The following WDR20 variants were observed in gnomAD, a reference collection of about 807,000 sequenced individuals.
The protein encoded by WDR20 is WD repeat-containing protein 20.
A neutral mutation model predicts 38.7 loss-of-function variants in WDR20; 3 were observed. The observed-to-expected ratio is 0.08, with a 90% confidence interval of 0.04 to 0.20. The LOEUF is 0.20. WDR20 is among the 10% of genes least tolerant of loss of function. The probability of loss-of-function intolerance (pLI) is 1.00; values close to 1 mark genes in which losing one functional copy is unlikely to be tolerated. For synonymous variants in WDR20, 298 were observed against 285.6 expected, an observed-to-expected ratio of 1.04 and a Z score of -0.44; for missense variants, 559 against 727.7, an observed-to-expected ratio of 0.77 and a Z score of 2.67.
chr14:102,210,391 C>T lies in WDR20; in HGVS notation c.*511C>T, dbSNP rs2062313030. On this transcript the variant is annotated 3_prime_UTR_variant, in exon 3 of 3. Transcript: ENST00000342702. ...ATGAAATTTAACTTTAGGAACAAAA[C>T]GTTTAGCAGGGTTGATTGATATTAT... 1.0e-5 allele frequency: 10 copies of T among 985,378 alleles called. No homozygotes were observed. Among genetic ancestry groups the T allele is most frequent in the Admixed American group, 6.2e-5 (1 of 16,260 alleles). The allele number at this position is 985,378 out of a possible 1,614,324, so 61.0% of individuals were successfully genotyped here.
intron 1 of WDR20, among the ~76,000 whole-genome samples, chr14:102,152,686 A>G (rs1441838542): frequency 2.6e-5 from 4 of 152,164 alleles, no homozygotes; most frequent in Middle Eastern, 3.2e-3. Flanking sequence ...AAGTGCTGGG[A>G]TTATAGGCGT....
intron 1 of WDR20, among the ~76,000 whole-genome samples, chr14:102,142,224 A>G (rs1443570924): frequency 6.6e-6 from 1 of 152,196 alleles, no homozygotes; most frequent in Non-Finnish European, 1.5e-5. Flanking sequence ...TTGTAGATAC[A>G]TTTGCATTGT....
At chr14:102,212,838 A>G, downstream of WDR20, 1 of 1,309,534 alleles carries the variant, frequency 7.6e-7, no homozygotes, top group Non-Finnish European at 9.8e-7. Context: ...TTTCAGCCTA[A>G]ACGTTATTAT....
At chr14:102,162,260 T>A (rs944436954) in intron 1 of WDR20, among the ~76,000 whole-genome samples, 1 of 152,144 alleles carries the variant, frequency 6.6e-6, no homozygotes, top group Non-Finnish European at 1.5e-5. Context: ...GCACATTGAG[T>A]GCACCTTTGA....
At chr14:102,181,547 T>C (rs2063372707) in intron 1 of WDR20, among the ~76,000 whole-genome samples, 1 of 152,202 alleles carries the variant, frequency 6.6e-6, no homozygotes, top group African/African-American at 2.4e-5. Flanking sequence ...CTTTATCTAT[T>C]ATCTGATCCC....
rs766780589 is a variant in WDR20, at chr14:102,140,045, A to T, written c.122A>T (p.Asn41Ile). Residue 41 changes from asparagine (N) to isoleucine (I), a missense_variant, in exon 1 of 3, where the codon AAC (asparagine) becomes ATC (isoleucine). Physicochemically the swap from Asn to Ile is moderately radical, Grantham distance 149 (BLOSUM62 -3). Coordinates refer to ENST00000342702, the MANE Select transcript of WDR20 (RefSeq NM_144574.4). ...EYSRPNRVPFNSQGSNPVRVS... is the reference protein window; with the variant it reads ...EYSRPNRVPFISQGSNPVRVS... ...AGCCGGCCCAACCGGGTGCCCTTCA[A>T]CTCGCAGGGATCCAACCCTGTCCGC... 2 of 1,614,030 alleles carry T rather than the reference A, an allele frequency of 1.2e-6. No homozygotes were observed. Among genetic ancestry groups the T allele is most frequent in the African/African-American group, 1.3e-5 (1 of 75,012 alleles).
intron 2 of WDR20, 118 bp downstream of exon 2, chr14:102,195,238 C>T (rs894117721): frequency 7.2e-6 from 8 of 1,112,022 alleles, no homozygotes; most frequent in Non-Finnish European, 7.6e-6. Flanking sequence ...TCGCCCAGCC[C>T]TCCTACCTAG....
intron 1 of WDR20, chr14:102,167,643 G>C (rs527467114): frequency 6.6e-6 from 1 of 152,058 alleles, no homozygotes; most frequent in Non-Finnish European, 1.5e-5. Context: ...TTGTCCAAGC[G>C]TTTTACCCTG....
chr14:102,176,695 C>A (rs1596331310), intron 1 of WDR20, among the ~76,000 whole-genome samples: 1 of 151,886 alleles, frequency 6.6e-6, no homozygotes, highest in East Asian at 1.9e-4. Context: ...GGAGGACTCC[C>A]TCTTTCTCTA....
chr14:102,213,167 T>C (rs1463557198), downstream of WDR20: 4 of 985,570 alleles, frequency 4.1e-6, no homozygotes, highest in African/African-American at 3.5e-5. Flanking sequence ...GTGACTGCGA[T>C]GGGGCAGGCT....
At position 102,140,004 on chromosome 14, in the gene WDR20, G is replaced by C. The variant is rs769708239; in HGVS notation, c.81G>C (p.Leu27=). The C allele has an allele frequency of 1.7e-5, 27 of 1,614,128 alleles. No homozygotes were observed. In the South Asian group the frequency reaches 2.9e-4, roughly 17 times the overall value. ...CCCGGGAAGGTCTGTACAAGCTGCT[G>C]CCGCACTCGGAGTACAGCCGGCCCA... ...FTTREGLYKL[L]PHSEYSRPNR... Residue 27 remains leucine (L), a synonymous_variant, in exon 1 of 3, where the codon CTG becomes CTC. Coordinates refer to ENST00000342702, the MANE Select transcript of WDR20 (RefSeq NM_144574.4).
chr14:102,161,474 C>T (rs995629366), intron 1 of WDR20, among the ~76,000 whole-genome samples: 4 of 151,720 alleles, frequency 2.6e-5, no homozygotes, highest in Admixed American at 2.0e-4. Flanking sequence ...CCACTGTGCT[C>T]GTTTAATTTT....
At chr14:102,188,979 A>G (rs1280822772) in intron 1 of WDR20, among the ~76,000 whole-genome samples, 4 of 151,908 alleles carry the variant, frequency 2.6e-5, no homozygotes, top group African/African-American at 9.7e-5. Flanking sequence ...TGGGAGGCCA[A>G]GGCAGGCAGA....
chr14:102,217,094 T>TG (rs1479264882), downstream of WDR20, among the ~76,000 whole-genome samples: 5 of 151,912 alleles, frequency 3.3e-5, no homozygotes, highest in Non-Finnish European at 5.9e-5. Context: ...CCCTTTTAGG[T>TG]GGGGGGCAGC....
downstream of WDR20, chr14:102,214,496 ATGT>A: frequency 1.0e-6 from 1 of 985,420 alleles, no homozygotes; most frequent in Non-Finnish European, 1.2e-6. Context: ...TGTCTCACTG[ATGT>A]TGATTTCTTT....
At chr14:102,198,832 G>C (rs1005825921) in intron 2 of WDR20, among the ~76,000 whole-genome samples, 3 of 152,178 alleles carry the variant, frequency 2.0e-5, no homozygotes, top group African/African-American at 7.2e-5. Flanking sequence ...TGTTGGGTGA[G>C]ACTGGGAAAG....
chr14:102,158,925 C>G (rs1404308172), intron 1 of WDR20, among the ~76,000 whole-genome samples: 1 of 151,972 alleles, frequency 6.6e-6, no homozygotes, highest in African/African-American at 2.4e-5. Flanking sequence ...GGGAGAGACT[C>G]TTTCTGACAC....
chr14:102,185,609 A>G (rs2064473820), intron 1 of WDR20, among the ~76,000 whole-genome samples: 1 of 152,118 alleles, frequency 6.6e-6, no homozygotes, highest in African/African-American at 2.4e-5. Flanking sequence ...CTTACTGCGC[A>G]GGTTTGTAGC....
At chr14:102,193,634 A>G in intron 1 of WDR20, 1 of 886,592 alleles carries the variant, frequency 1.1e-6, no homozygotes, top group Non-Finnish European at 1.6e-6. Flanking sequence ...GAGTTTGCTC[A>G]AAGACGCCTG....
Sources: gnomAD v4.1 joint callset for allele counts (sites outside exome capture counted in the v4.1 genomes callset) on GRCh38, gnomAD v4.1.1 for gene constraint, MANE v1.5 for transcripts, NCBI Gene and HGNC (gene_info 2026-07-23, HGNC 2026-07-21) for gene names.